The following OLFM2 variants were observed in gnomAD, a reference collection of about 807,000 sequenced individuals.
The protein encoded by OLFM2 is noelin-2.
OLFM2 carries 20 observed loss-of-function variants against 43.9 expected under a neutral mutation model. That is an observed-to-expected ratio of 0.46 (90% confidence interval 0.32 to 0.66). The LOEUF (loss-of-function observed/expected upper bound fraction) is 0.66, where lower values mean the gene tolerates loss of function less well. Among genes scored for constraint, OLFM2 ranks in the 30% least tolerant of loss-of-function variants. The probability of loss-of-function intolerance (pLI) is 0.04; values close to 1 mark genes in which losing one functional copy is unlikely to be tolerated. For missense variants in OLFM2, 416 were observed against 643.6 expected (o/e 0.65, Z 3.83); for synonymous variants, 268 against 278.6 (o/e 0.96, Z 0.38).
At chr19:9,879,164 G>C (rs576900826) in intron 1 of OLFM2, among the ~76,000 whole-genome samples, 14 of 152,228 alleles carry the variant, frequency 9.2e-5, no homozygotes, top group African/African-American at 3.1e-4. Context: ...TTTTGAGACA[G>C]TTTCACTCTT....
At chr19:9,878,763 A>C (rs2145452055) in intron 1 of OLFM2, among the ~76,000 whole-genome samples, 1 of 152,294 alleles carries the variant, frequency 6.6e-6, no homozygotes, top group East Asian at 1.9e-4. Flanking sequence ...AAAAAGGAAG[A>C]GGCAATTATA....
intron 1 of OLFM2, among the ~76,000 whole-genome samples, chr19:9,919,796 T>G (rs1163662654): frequency 7.1e-6 from 1 of 139,996 alleles, no homozygotes; most frequent in Non-Finnish European, 1.5e-5. Context: ...GCCATTTTTT[T>G]TTTTTTTTTT....
chr19:9,916,705 A>C (rs1473889237), intron 1 of OLFM2, among the ~76,000 whole-genome samples: 2 of 152,134 alleles, frequency 1.3e-5, no homozygotes, highest in Non-Finnish European at 2.9e-5. Context: ...CAGCGCATCC[A>C]GGCTTCTCCA....
At chr19:9,905,698 T>C (rs939487642) in intron 1 of OLFM2, among the ~76,000 whole-genome samples, 1 of 152,018 alleles carries the variant, frequency 6.6e-6, no homozygotes, top group African/African-American at 2.4e-5. Flanking sequence ...AAGATTCAGA[T>C]TGGCTCCTCT....
rs376841581 is a variant in OLFM2, at chr19:9,934,177, C to T, written c.63+2127G>A. The stretch of plus-strand genomic sequence containing the variant: ...GAGCATCCTCTCTGCAGACCCCTCC[C>T]TTCCCTGGGGTGCCAGGCTTGGTGG... On this transcript the variant is annotated intron_variant, in intron 1 of 5. Coordinates refer to ENST00000264833, the MANE Select transcript of OLFM2 (RefSeq NM_058164.4). Among the ~76,000 whole-genome samples, 28 of 152,300 alleles carry T rather than the reference C, an allele frequency of 1.8e-4. 1 individual carries two copies. Among genetic ancestry groups the T allele is most frequent in the African/African-American group, 6.7e-4 (28 of 41,578 alleles).
chr19:9,919,142 G>T (rs1056870922), intron 1 of OLFM2, among the ~76,000 whole-genome samples: 1 of 151,944 alleles, frequency 6.6e-6, no homozygotes, highest in Non-Finnish European at 1.5e-5. Context: ...TTTGAGACCA[G>T]CCTGGGCAAC....
chr19:9,855,400 C>A (rs145900236), intron 5 of OLFM2, among the ~76,000 whole-genome samples: 2,885 of 151,902 alleles, frequency 0.019, 46 homozygotes, highest in Non-Finnish European at 0.03. Flanking sequence ...CCCACCACAC[C>A]CGGCTAATTT....
Position 9,860,746 on chromosome 19 carries a change from G to C in OLFM2, c.112C>G (p.Gln38Glu). The change falls in exon 2 of 6, where the codon CAG becomes GAG. Residue 38 changes from glutamine (Q) to glutamate (E), a missense_variant. Coordinates refer to ENST00000264833, the MANE Select transcript of OLFM2 (RefSeq NM_058164.4). ...CAGATGCATTTCCCGTCAGGGGCCT[G>C]GGCTGAGGTGTACAGCTGCCAGCCC... ...EEGWQLYTSA[Q>E]APDGKCICTA... 1 of 1,609,770 alleles carries C rather than the reference G, an allele frequency of 6.2e-7. No individual in the cohort carries two copies. Among genetic ancestry groups the C allele is most frequent in the Non-Finnish European group, 8.5e-7 (1 of 1,178,468 alleles).
At chr19:9,892,922 T>C (rs907906274) in intron 1 of OLFM2, among the ~76,000 whole-genome samples, 3 of 152,210 alleles carry the variant, frequency 2.0e-5, no homozygotes, top group African/African-American at 7.2e-5. Flanking sequence ...GGTTCAGCCC[T>C]GGTCCATCTC....
At chr19:9,916,922 A>G (rs1433633046) in intron 1 of OLFM2, among the ~76,000 whole-genome samples, 1 of 152,058 alleles carries the variant, frequency 6.6e-6, no homozygotes, top group Admixed American at 6.6e-5. Context: ...GACTTCAGAG[A>G]CACGGTATCA....
intron 1 of OLFM2, among the ~76,000 whole-genome samples, chr19:9,905,624 C>G (rs1422126700): frequency 1.3e-5 from 1 of 75,748 alleles, no homozygotes; most frequent in African/African-American, 4.5e-5. Context: ...GACTCCATCT[C>G]AAAAAAAAAA....
intron 1 of OLFM2, among the ~76,000 whole-genome samples, chr19:9,872,690 T>TCACCTTTCCACCCATTCATC (rs2046452672): frequency 1.3e-5 from 2 of 152,094 alleles, no homozygotes; most frequent in African/African-American, 4.8e-5. Flanking sequence ...ATCCATTCAT[T>TCACCTTTCCACCCATTCATC]CACCTTTCCA....
chr19:9,891,002 T>G (rs1007762962), intron 1 of OLFM2, among the ~76,000 whole-genome samples: 4 of 151,510 alleles, frequency 2.6e-5, no homozygotes, highest in African/African-American at 9.7e-5. Flanking sequence ...TGCCACAGTC[T>G]TCCCTCAGCA....
intron 1 of OLFM2, among the ~76,000 whole-genome samples, chr19:9,878,657 T>C (rs1288147828): frequency 6.6e-6 from 1 of 152,126 alleles, no homozygotes; most frequent in East Asian, 1.9e-4. Context: ...AAGCCCTGGT[T>C]CAGAGAGAGT....
intron 1 of OLFM2, among the ~76,000 whole-genome samples, chr19:9,865,833 AAAC>A (rs1253619306): frequency 8.7e-5 from 13 of 149,506 alleles, no homozygotes; most frequent in Admixed American, 2.0e-4. Context: ...AAAAAAAAAA[AAAC>A]AAAGAAAAAC....
At chr19:9,885,863 C>T (rs979350135) in intron 1 of OLFM2, among the ~76,000 whole-genome samples, 4 of 151,960 alleles carry the variant, frequency 2.6e-5, no homozygotes, top group African/African-American at 9.7e-5. Flanking sequence ...TTTGGGAGGC[C>T]GAGGCAGGAG....
At chr19:9,915,808 G>A (rs1188816043) in intron 1 of OLFM2, among the ~76,000 whole-genome samples, 4 of 152,054 alleles carry the variant, frequency 2.6e-5, no homozygotes, top group Admixed American at 2.0e-4. Context: ...GTGAACCACC[G>A]CGCCTGGCGA....
intron 1 of OLFM2, among the ~76,000 whole-genome samples, chr19:9,861,501 C>T (rs1406160555): frequency 2.6e-5 from 4 of 152,172 alleles, no homozygotes; most frequent in Non-Finnish European, 2.9e-5. Flanking sequence ...CCCTGCTGTG[C>T]CCCCACCTCA....
intron 1 of OLFM2, 99 bp downstream of exon 1, chr19:9,936,205 G>C (rs1296757710): frequency 3.9e-5 from 52 of 1,323,968 alleles, no homozygotes; most frequent in Non-Finnish European, 5.1e-5. Context: ...CAGCTGGGGG[G>C]GCTTGTGGAG....
Sources: allele counts gnomAD v4.1 joint callset (sites outside exome capture counted in the v4.1 genomes callset), GRCh38; gene constraint gnomAD v4.1.1; transcripts MANE v1.5; gene names NCBI Gene and HGNC (gene_info 2026-07-23, HGNC 2026-07-21).